Variants in CLUH observed in about 807,000 individuals in gnomAD.
The protein encoded by CLUH is CLUH binding protein of NUMT mRNA, also known as clustered mitochondria protein homolog.
In CLUH, 77 loss-of-function variants were observed where a neutral mutation model predicts 139.3. The observed-to-expected ratio is 0.55, with a 90% CI of 0.46 to 0.67. The LOEUF is 0.67. Among genes scored for constraint, CLUH ranks in the 30% least tolerant of loss-of-function variants. The pLI, the probability that CLUH is intolerant of heterozygous loss-of-function variation, is 0.00. For missense variants in CLUH, 1,876 were observed against 1,875.8 expected (o/e 1.00, Z 0.00); for synonymous variants, 999 against 801.6 (o/e 1.25, Z -4.16).
chr17:2,709,050 G>A (rs1206853635), intron 1 of CLUH, among the ~76,000 whole-genome samples: 1 of 152,228 alleles, frequency 6.6e-6, no homozygotes, highest in East Asian at 1.9e-4. Flanking sequence ...CGCAAACTCA[G>A]ATGCTAGTGA....
chr17:2,697,933 G>A lies in CLUH; in HGVS notation c.1924C>T (p.Leu642=), dbSNP rs370715380. 6.0e-5 allele frequency: 92 copies of A among 1,543,780 alleles called. 1 individual carries two copies. The African/African-American group carries it at 1.0e-3, about 17-fold the overall frequency. The change falls in exon 10 of 26, where the codon CTG becomes TTG. Residue 642 remains leucine, a synonymous_variant. Transcript: ENST00000651024. The part of the protein sequence containing the change: ...PRAHRHKLCC[L]RQELVDAFVE... ...AAGGCGTCCACCAGCTCCTGGCGCA[G>A]GCAGCAGAGCTTGTGCCGGTGGGCG...
rs756482834 is a variant in CLUH, at chr17:2,698,027, C to T, written c.1830G>A (p.Pro610=). 9.3e-6 allele frequency: 15 copies of T among 1,604,794 alleles called. No homozygotes were observed. Among genetic ancestry groups the T allele is most frequent in the Middle Eastern group, 3.3e-4 (2 of 6,062 alleles). ...YILDLLRTFP[P]DLNFLPVPGE... Reference sequence around the variant, plus strand: ...CAGGCACGGGCAGGAAGTTGAGGTCCGGGGGGAAGGTGCGCAGCAGGTCGA... The same window carrying T: ...CAGGCACGGGCAGGAAGTTGAGGTCTGGGGGGAAGGTGCGCAGCAGGTCGA... Residue 610 remains proline (P), a synonymous_variant, in exon 10 of 26, where the codon CCG becomes CCA. Transcript: ENST00000651024.
At position 2,696,549 on chromosome 17, in the gene CLUH, A is replaced by G. The variant is rs750285483; in HGVS notation, c.2186-11T>C. On this transcript the variant is annotated splice_polypyrimidine_tract_variant and intron_variant, in intron 11 of 25. Transcript: ENST00000651024. ...GGCTCCGAGGGTCTGCTGTGGAGAC[A>G]TGGCTCCATGAGACACGGGTCCCCT... 1.3e-6 allele frequency: 2 copies of G among 1,559,678 alleles called. No individual in the cohort carries two copies. Among genetic ancestry groups the G allele is most frequent in the Admixed American group, 1.9e-5 (1 of 52,862 alleles).
intron 8 of CLUH, 65 bp from the exon 9 acceptor site, chr17:2,700,539 C>T (rs970487977): frequency 2.6e-6 from 4 of 1,563,674 alleles, no homozygotes; most frequent in Non-Finnish European, 8.7e-7. Flanking sequence ...TCCCGGAAGT[C>T]GCTCCTTCTA....
In CLUH at chr17:2,691,956, GCCACGCCCCCGCCCCGCCCCCGC is replaced by G. The variant is rs1369943164; in HGVS notation, c.3654+25_3654+47del. 26 of 440,080 alleles carry G rather than the reference GCCACGCCCCCGCCCCGCCCCCGC, an allele frequency of 5.9e-5. 1 individual carries two copies. The highest frequency in any genetic ancestry group is 7.9e-4 in the Middle Eastern group (1 of 1,272). 27.3% of individuals were successfully genotyped at this position (440,080 alleles called of 1,614,324 possible). Reference sequence around the variant, plus strand: ...GCCCCCGCGGCCCCGCCCCCGCCCCGCCACGCCCCCGCCCCGCCCCCGCCCCCGCCACGCCCCCGCCGCGCACC... The same window carrying G: ...GCCCCCGCGGCCCCGCCCCCGCCCCGCCCCGCCACGCCCCCGCCGCGCACC... On this transcript the variant is annotated intron_variant, in intron 23 of 25. Transcript: ENST00000651024.
chr17:2,700,258 C>T, intron 9 of CLUH, 124 bp downstream of exon 9: 2 of 851,142 alleles, frequency 2.3e-6, no homozygotes, highest in Admixed American at 4.9e-5. Flanking sequence ...GCTGACTGGC[C>T]TTCGGGGAAC....
Position 2,690,597 on chromosome 17 carries a change from T to A in CLUH, c.4044A>T (p.Gly1348=). 8 of 1,478,740 alleles carry A rather than the reference T, an allele frequency of 5.4e-6. No individual in the cohort carries two copies. Among genetic ancestry groups the A allele is most frequent in the Non-Finnish European group, 7.2e-6 (8 of 1,117,456 alleles). The allele number at this position is 1,478,740 out of a possible 1,614,324, so 91.6% of individuals were successfully genotyped here. A position where few individuals can be genotyped will look rare whatever the true frequency, so the allele number is the denominator to read the frequency against. ...AAKDPSPSVQ[G] Reference sequence around the variant, plus strand: ...GGCTGTCCGTCTGGCTCCCTCTCTATCCCTGCACGCTCGGAGAAGGGTCCT... The same window carrying A: ...GGCTGTCCGTCTGGCTCCCTCTCTAACCCTGCACGCTCGGAGAAGGGTCCT... The change falls in exon 26 of 26, where the codon GGA becomes GGT. Residue 1348 remains glycine, a synonymous_variant. Transcript: ENST00000651024.
intron 16 of CLUH, 89 bp from the exon 17 acceptor site, chr17:2,694,653 CG>C (rs2069858391): frequency 7.2e-7 from 1 of 1,394,700 alleles, no homozygotes; most frequent in Non-Finnish European, 9.8e-7. Flanking sequence ...CTGTCCAGCC[CG>C]GGCCCCCAAC....
rs2069697655 is a variant in CLUH at position 2,691,991 on chromosome 17, C to CCCA, written c.3654+12_3654+13insTGG. 7.4e-7 allele frequency: 1 copy of CCCA among 1,352,114 alleles called. No individual in the cohort carries two copies. The highest frequency in any genetic ancestry group is 9.7e-7 in the Non-Finnish European group (1 of 1,034,232). The allele number at this position is 1,352,114 out of a possible 1,614,324, so 83.8% of individuals were successfully genotyped here. A position where few individuals can be genotyped will look rare whatever the true frequency, so the allele number is the denominator to read the frequency against. On this transcript the variant is annotated intron_variant, in intron 23 of 25. Coordinates refer to ENST00000651024, the MANE Select transcript of CLUH (RefSeq NM_001366661.1). ...CGCCCCGCCCCCGCCCCCGCCACGC[C>CCCA]CCCGCCGCGCACCTGCGTCTTGTAG...
At chr17:2,711,358 G>A (rs980571578) in intron 1 of CLUH, among the ~76,000 whole-genome samples, 2 of 152,108 alleles carry the variant, frequency 1.3e-5, no homozygotes, top group South Asian at 2.1e-4. Flanking sequence ...TGCCCTCCAC[G>A]GGACCGCACG....
At chr17:2,697,836 C>G (rs2070018224) in intron 10 of CLUH, 60 bp downstream of exon 10, 2 of 1,415,344 alleles carry the variant, frequency 1.4e-6, no homozygotes, top group South Asian at 1.5e-5. Flanking sequence ...CGGATCCACC[C>G]AGGGCGCCCG....
At chr17:2,696,333 C>A in intron 12 of CLUH, 74 bp from the exon 13 acceptor site, 1 of 1,501,634 alleles carries the variant, frequency 6.7e-7, no homozygotes, top group Non-Finnish European at 9.1e-7. Flanking sequence ...GCGGGGGAAG[C>A]GCTCAGATGG....
chr17:2,703,542 G>A lies in CLUH; in HGVS notation c.304-53C>T. ...GGTGAGAGAGCACGTAGCGGGGAGA[G>A]AAGGCCCCAACCGCCCCGGTGAGAG... On this transcript the variant is annotated intron_variant, in intron 2 of 25. Transcript: ENST00000651024. The surrounding 1 kb of genome is among the most constrained non-coding windows in gnomAD (Gnocchi z 4.2). 6.3e-7 allele frequency: 1 copy of A among 1,582,612 alleles called. No individual in the cohort carries two copies. The highest frequency in any genetic ancestry group is 8.6e-7 in the Non-Finnish European group (1 of 1,160,138).
intron 25 of CLUH, among the ~76,000 whole-genome samples, chr17:2,691,235 G>C (rs536806750): frequency 1.3e-5 from 2 of 152,184 alleles, no homozygotes; most frequent in African/African-American, 4.8e-5. Context: ...AAACACCAAG[G>C]TCTTCACTCG....
In CLUH at chr17:2,694,947, T is replaced by G; in HGVS notation, c.2762A>C (p.Asp921Ala). 6.2e-7 allele frequency: 1 copy of G among 1,611,606 alleles called. No homozygotes were observed. The highest frequency in any genetic ancestry group is 8.5e-7 in the Non-Finnish European group (1 of 1,178,964). Residue 921 changes from aspartate to alanine, a missense_variant, in exon 16 of 26, where the codon GAT (aspartate) becomes GCT (alanine). By Grantham distance (126) the Asp-to-Ala change is moderately radical. Coordinates refer to ENST00000651024, the MANE Select transcript of CLUH (RefSeq NM_001366661.1). ...RRKNRPPGAADNTAWAVMTPQ... is the reference protein window; with the variant it reads ...RRKNRPPGAAANTAWAVMTPQ... ...GGTCATGACAGCCCAGGCTGTGTTA[T>G]CTGCAGCCCCCGGGGGCCGGTTTTT...
At position 2,707,176 on chromosome 17, in the gene CLUH, G is replaced by A. The variant is rs879506931; in HGVS notation, c.101-2612C>T. On this transcript the variant is annotated intron_variant, in intron 1 of 25. Coordinates refer to ENST00000651024, the MANE Select transcript of CLUH (RefSeq NM_001366661.1). This position sits in a 1 kb window ranked among gnomAD's most constrained non-coding sequence, Gnocchi z 7.4. The stretch of plus-strand genomic sequence containing the variant: ...CTCACCAGGTCCCGGTGCTCACCTG[G>A]TGCAGTTGGCAGCTGCCCTCCCCTC... 2.0e-6 allele frequency: 2 copies of A among 985,290 alleles called. No homozygotes were observed. The highest frequency in any genetic ancestry group is 1.7e-5 in the African/African-American group (1 of 57,226). 61.0% of individuals were successfully genotyped at this position (985,290 alleles called of 1,614,324 possible).
In CLUH at chr17:2,689,810, C is replaced by T; in HGVS notation, c.*784G>A. ...TTCCCCCAGCCTCGCCCCCGGCCCA[C>T]TGTGCGTTCGGCAGCTCAGGTTAAA... On this transcript the variant is annotated 3_prime_UTR_variant, in exon 26 of 26. Coordinates refer to ENST00000651024, the MANE Select transcript of CLUH (RefSeq NM_001366661.1). 6.5e-6 allele frequency: 1 copy of T among 152,996 alleles called. No individual in the cohort carries two copies. The highest frequency in any genetic ancestry group is 1.5e-5 in the Non-Finnish European group (1 of 68,258). 9.5% of individuals were successfully genotyped at this position (152,996 alleles called of 1,614,324 possible).
intron 19 of CLUH, among the ~76,000 whole-genome samples, chr17:2,693,640 T>G (rs1477094743): frequency 6.6e-6 from 1 of 151,996 alleles, no homozygotes; most frequent in Non-Finnish European, 1.5e-5. Flanking sequence ...TCACGGAGTC[T>G]CAGGAGGCGT....
intron 17 of CLUH, 76 bp from the exon 18 acceptor site, chr17:2,694,352 C>T: frequency 6.5e-7 from 1 of 1,531,160 alleles, no homozygotes; most frequent in Non-Finnish European, 8.8e-7. Context: ...CCCACCAACG[C>T]TTGCGCACAG....
Sources: gnomAD v4.1 joint callset for allele counts (sites outside exome capture counted in the v4.1 genomes callset) on GRCh38, gnomAD v4.1.1 for gene constraint, Gnocchi (gnomAD v3.1) non-coding constraint, MANE v1.5 for transcripts, NCBI Gene and HGNC (gene_info 2026-07-23, HGNC 2026-07-21) for gene names.